The following ITIH3 variants were observed in gnomAD, a reference collection of about 807,000 sequenced individuals.
ITIH3 encodes the protein inter-alpha-trypsin inhibitor heavy chain 3.
In ITIH3, 81 loss-of-function variants were observed where a neutral mutation model predicts 96.5. That is an observed-to-expected ratio of 0.84 (90% CI 0.70 to 1.01). ITIH3 has a LOEUF of 1.01. ITIH3 is among the 50% of genes least tolerant of loss of function. The pLI, the probability that ITIH3 is intolerant of heterozygous loss-of-function variation, is 0.00. For synonymous variants in ITIH3, 422 were observed against 445.2 expected (o/e 0.95, Z 0.66); for missense variants, 1,057 against 1,139.3 (o/e 0.93, Z 1.04).
At position 52,804,840 on chromosome 3, in the gene ITIH3, T is replaced by C. The variant is rs1242993517; in HGVS notation, c.1873+106T>C. On this transcript the variant is annotated intron_variant, in intron 15 of 21. Coordinates refer to ENST00000449956, the MANE Select transcript of ITIH3 (RefSeq NM_002217.4). ...AGGACCCCCAGCCATGGGGGCACAC[T>C]TGGGACACCTGGGCTCAGGCCCAGC... 4 of 1,276,220 alleles carry C rather than the reference T, an allele frequency of 3.1e-6. No homozygotes were observed. The East Asian group carries it at 1.0e-4, about 32-fold the overall frequency. The allele number at this position is 1,276,220 out of a possible 1,614,324, so 79.1% of individuals were successfully genotyped here.
chr3:52,795,863 T>A (rs761746807), intron 2 of ITIH3: 55 of 530,328 alleles, frequency 1.0e-4, no homozygotes, highest in Non-Finnish European at 1.7e-4. Flanking sequence ...ATCCCTTCCT[T>A]CCGCAGACAC....
intron 20 of ITIH3, 53 bp downstream of exon 20, chr3:52,807,969 G>C (rs747146079): frequency 2.5e-6 from 4 of 1,593,532 alleles, no homozygotes; most frequent in Non-Finnish European, 3.4e-6. Context: ...GCATGGGAAA[G>C]ACATACACAA....
intron 9 of ITIH3, chr3:52,800,253 A>G: frequency 1.9e-6 from 1 of 540,014 alleles, no homozygotes; most frequent in South Asian, 2.2e-5. Flanking sequence ...TCCTCCCAGC[A>G]AGAGGTACTG....
chr3:52,795,492 G>A, intron 1 of ITIH3, 111 bp from the exon 2 acceptor site: 1 of 1,163,034 alleles, frequency 8.6e-7, no homozygotes, highest in East Asian at 2.6e-5. Context: ...GGTGTGTGGG[G>A]GGCAGGGCAC....
intron 8 of ITIH3, 112 bp downstream of exon 8, chr3:52,799,600 G>T: frequency 9.3e-7 from 1 of 1,078,636 alleles, no homozygotes; most frequent in Non-Finnish European, 1.3e-6. Context: ...AAAGGGGACA[G>T]GATAAGAGAA....
intron 6 of ITIH3, 154 bp from the exon 7 acceptor site, chr3:52,798,812 A>G (rs1578753704): frequency 1.2e-6 from 1 of 836,996 alleles, no homozygotes; most frequent in Non-Finnish European, 1.8e-6. Context: ...ACCGGCGGGC[A>G]GGGCTGCCCA....
chr3:52,803,291 TTTA>T (rs1699904888), intron 13 of ITIH3, among the ~76,000 whole-genome samples: 2 of 141,826 alleles, frequency 1.4e-5, no homozygotes, highest in South Asian at 2.2e-4. Context: ...TATTTATTTA[TTTA>T]TTTATTTATT....
In ITIH3 at chr3:52,806,273, C is replaced by A. The variant is rs572566594; in HGVS notation, c.1943-20C>A. 3.8e-5 allele frequency: 62 copies of A among 1,610,580 alleles called. No individual in the cohort carries two copies. Among genetic ancestry groups the A allele is most frequent in the Non-Finnish European group, 5.2e-5 (61 of 1,177,424 alleles). ...GATGAGAGGCCCCGGGAGTCAGCTC[C>A]TTCTCTAATGTGTCACCAGTGGACG... On this transcript the variant is annotated intron_variant, in intron 17 of 21. Transcript: ENST00000449956.
intron 4 of ITIH3, 45 bp downstream of exon 4, chr3:52,796,888 A>G (rs905773083): frequency 1.5e-6 from 2 of 1,313,892 alleles, no homozygotes; most frequent in Non-Finnish European, 2.1e-6. Context: ...CTGGGATCCA[A>G]GGGCCTTCAG....
chr3:52,808,285 C>T, intron 21 of ITIH3, 64 bp downstream of exon 21: 1 of 1,369,970 alleles, frequency 7.3e-7, no homozygotes, highest in Non-Finnish European at 1.0e-6. Flanking sequence ...GCACCTGCAG[C>T]CCAGGCACAT....
At chr3:52,799,314 T>C in intron 7 of ITIH3, 58 bp from the exon 8 acceptor site, 4 of 1,332,318 alleles carry the variant, frequency 3.0e-6, no homozygotes, top group South Asian at 1.4e-5. Context: ...CCTGCAAGAA[T>C]AGTCAATGTG....
chr3:52,808,664 G>A lies in ITIH3; in HGVS notation c.2656G>A (p.Val886Ile), dbSNP rs761437533. The A allele has an allele frequency of 6.2e-7, 1 of 1,610,588 alleles. No homozygotes were observed. The highest frequency in any genetic ancestry group is 1.1e-5 in the South Asian group (1 of 90,990). Residue 886 changes from valine to isoleucine, a missense_variant, in exon 22 of 22, where the codon GTC becomes ATC. Coordinates refer to ENST00000449956, the MANE Select transcript of ITIH3 (RefSeq NM_002217.4). ...TGATGGTGTCCACACTGACTACATTGTCCCCAACCTGTTTTGAGTAGACAC... is the reference window on the plus strand; with the variant it reads ...TGATGGTGTCCACACTGACTACATTATCCCCAACCTGTTTTGAGTAGACAC... ...LIDGVHTDYI[V>I]PNLF
At chr3:52,795,679 T>C in intron 2 of ITIH3, 56 bp downstream of exon 2, 1 of 1,544,018 alleles carries the variant, frequency 6.5e-7, no homozygotes, top group East Asian at 2.3e-5. Context: ...ATGGAGCTGG[T>C]TCCCCAACTG....
chr3:52,803,317 TTATTATTA>T (rs1482626532), intron 13 of ITIH3, among the ~76,000 whole-genome samples: 16 of 113,962 alleles, frequency 1.4e-4, no homozygotes, highest in African/African-American at 9.5e-4. Context: ...TTTTATTTTA[TTATTATTA>T]TTTTTTTTTT....
At chr3:52,808,311 T>C in intron 21 of ITIH3, 90 bp downstream of exon 21, 1 of 1,201,416 alleles carries the variant, frequency 8.3e-7, no homozygotes, top group South Asian at 1.3e-5. Flanking sequence ...TGGTGGGCTT[T>C]TGTCTTCTGT....
chr3:52,807,133 T>G, intron 19 of ITIH3, 28 bp downstream of exon 19: 2 of 1,553,212 alleles, frequency 1.3e-6, no homozygotes, highest in Middle Eastern at 1.9e-4. Flanking sequence ...GTCTCCAAGG[T>G]GGACTACAGG....
In ITIH3 at chr3:52,800,856, C is replaced by T. The variant is rs923193617; in HGVS notation, c.1202-109C>T. 27 of 1,507,890 alleles carry T rather than the reference C, an allele frequency of 1.8e-5. 1 individual carries two copies. Among genetic ancestry groups the T allele is most frequent in the South Asian group, 1.5e-4 (12 of 79,834 alleles). The allele number at this position is 1,507,890 out of a possible 1,614,324, so 93.4% of individuals were successfully genotyped here. A position where few individuals can be genotyped will look rare whatever the true frequency, so the allele number is the denominator to read the frequency against. On this transcript the variant is annotated intron_variant, in intron 10 of 21. Transcript: ENST00000449956. ...CACCTGCCCCACAAGGGCTCATGGTCGTGACTCCAGCAACTCTGCATGTGC... is the reference window on the plus strand; with the variant it reads ...CACCTGCCCCACAAGGGCTCATGGTTGTGACTCCAGCAACTCTGCATGTGC...
rs1014208465 is a variant in ITIH3, at chr3:52,802,328, C to G, written c.1384-6C>G. The G allele has an allele frequency of 1.9e-6, 3 of 1,613,428 alleles. No homozygotes were observed. The African/African-American group carries it at 4.0e-5, about 22-fold the overall frequency. On this transcript the variant is annotated splice_region_variant and splice_polypyrimidine_tract_variant and intron_variant, in intron 11 of 21. Coordinates refer to ENST00000449956, the MANE Select transcript of ITIH3 (RefSeq NM_002217.4). ...CTTGAGATGACTGGCCCCGTGCGAA[C>G]TTCAGGGCTTCTATGAGGAGGTGGC...
intron 5 of ITIH3, 25 bp downstream of exon 5, chr3:52,797,292 G>A (rs762983443): frequency 1.9e-6 from 3 of 1,582,740 alleles, no homozygotes; most frequent in East Asian, 2.3e-5. Context: ...CTGCAGACCT[G>A]GGGGGACGGC....
Sources: gnomAD v4.1 joint callset for allele counts (sites outside exome capture counted in the v4.1 genomes callset) on GRCh38, gnomAD v4.1.1 for gene constraint, MANE v1.5 for transcripts, NCBI Gene and HGNC (gene_info 2026-07-23, HGNC 2026-07-21) for gene names.